The following WASHC5 variants were observed in gnomAD, a reference collection of about 807,000 sequenced individuals.
WASHC5 encodes the protein WASH complex subunit strumpellin.
Under a neutral mutation model 150.4 loss-of-function variants are expected in WASHC5, and 101 were observed. The ratio of observed to expected loss-of-function variants is 0.67; its 90% confidence interval spans 0.57 to 0.79. The LOEUF (loss-of-function observed/expected upper bound fraction) is 0.79. Ranked by LOEUF, WASHC5 falls within the 30% of genes least tolerant of loss-of-function variation. The pLI, the probability that WASHC5 is intolerant of heterozygous loss-of-function variation, is 0.00. For missense variants in WASHC5, 1,195 were observed against 1,396.3 expected, an observed-to-expected ratio of 0.86 and a Z score of 2.30; for synonymous variants, 467 against 491.2, an observed-to-expected ratio of 0.95 and a Z score of 0.65.
At chr8:125,048,574 C>T (rs2130044387) in intron 19 of WASHC5, among the ~76,000 whole-genome samples, 1 of 152,278 alleles carries the variant, frequency 6.6e-6, no homozygotes, top group South Asian at 2.1e-4. Flanking sequence ...AACTGGAACC[C>T]TCGTACACTG....
At chr8:125,075,251 A>G (rs1817018326) in intron 7 of WASHC5, 140 bp from the exon 8 acceptor site, 4 of 680,576 alleles carry the variant, frequency 5.9e-6, no homozygotes, top group South Asian at 3.1e-5. Context: ...CCAAATATAT[A>G]GGTAAGTGTT....
intron 23 of WASHC5, among the ~76,000 whole-genome samples, chr8:125,042,670 A>G (rs1815928802): frequency 6.6e-6 from 1 of 152,136 alleles, no homozygotes; most frequent in African/African-American, 2.4e-5. Context: ...CAGAGTTGGG[A>G]CTCACACCTG....
chr8:125,068,241 G>A (rs565644208), intron 9 of WASHC5, among the ~76,000 whole-genome samples: 5 of 152,342 alleles, frequency 3.3e-5, no homozygotes, highest in Admixed American at 2.6e-4. Context: ...CACAAGATCA[G>A]CTCACTAAGC....
rs534345947 is a variant in WASHC5, at chr8:125,090,242, C to A, written c.-125+1373G>T. 2.6e-5 allele frequency among the ~76,000 whole-genome samples: 4 copies of A among 152,190 alleles called. No individual in the cohort carries two copies. The East Asian group carries it at 7.7e-4, about 29-fold the overall frequency. ...TTGGCTAGAGTATTTGGTAAATAGC[C>A]CCCTCGTTGGCTGAAGGACTAGTCC... On this transcript the variant is annotated intron_variant, in intron 1 of 28. Coordinates refer to ENST00000318410, the MANE Select transcript of WASHC5 (RefSeq NM_014846.4).
intron 3 of WASHC5, 89 bp from the exon 4 acceptor site, chr8:125,082,556 G>T: frequency 1.2e-6 from 1 of 812,056 alleles, no homozygotes; most frequent in East Asian, 2.6e-5. Flanking sequence ...AGATAAGGCA[G>T]GATGCCAGGC....
intron 5 of WASHC5, among the ~76,000 whole-genome samples, chr8:125,081,236 C>CTTTT (rs35035456): frequency 1.5e-5 from 2 of 129,146 alleles, no homozygotes; most frequent in Non-Finnish European, 3.2e-5. Context: ...AAGAATCTTA[C>CTTTT]TTTTTTTTTT....
chr8:125,087,000 C>T (rs562238333), intron 1 of WASHC5, among the ~76,000 whole-genome samples: 2 of 152,164 alleles, frequency 1.3e-5, no homozygotes, highest in Non-Finnish European at 2.9e-5. Flanking sequence ...GCTTCTGCAG[C>T]CAGCAAAGCC....
At chr8:125,039,947 A>G (rs1264685177) in intron 23 of WASHC5, 49 bp from the exon 24 acceptor site, 1 of 1,211,682 alleles carries the variant, frequency 8.3e-7, no homozygotes, top group Non-Finnish European at 1.2e-6. Context: ...AGCATTTCAG[A>G]GTGACAGTGA....
Position 125,039,801 on chromosome 8 carries a change from AG to A in WASHC5, c.2947del (p.Leu983SerfsTer6). 1 of 1,609,010 alleles carries A rather than the reference AG, an allele frequency of 6.2e-7. No individual in the cohort carries two copies. On this transcript the variant is annotated frameshift_variant, in exon 24 of 29. Coordinates refer to ENST00000318410, the MANE Select transcript of WASHC5 (RefSeq NM_014846.4). LOFTEE classifies it high-confidence loss of function. ...TTCAAACCCTGGCACTTACTTATTG[AG>A]ATTCTCCAGAGCAGCTGCCAGATGT... Reference protein sequence around the residue: ...SKHLAAALENLNKALLADIEA... With the variant: ...SKHLAAALENXNKALLADIEA...
At chr8:125,052,633 C>CAT (rs1183683652) in intron 17 of WASHC5, among the ~76,000 whole-genome samples, 7 of 151,678 alleles carry the variant, frequency 4.6e-5, no homozygotes, top group African/African-American at 1.7e-4. Context: ...CACACACACA[C>CAT]ACACACATAC....
chr8:125,088,436 A>AAG (rs1817487715), intron 1 of WASHC5, among the ~76,000 whole-genome samples: 1 of 132,474 alleles, frequency 7.5e-6, no homozygotes, highest in Admixed American at 7.4e-5. Context: ...AAAAAAAAAA[A>AAG]GGGGGAGGGG....
chr8:125,049,591 A>G (rs1414803899), intron 18 of WASHC5, among the ~76,000 whole-genome samples: 1 of 151,004 alleles, frequency 6.6e-6, no homozygotes, highest in Non-Finnish European at 1.5e-5. Context: ...TCATGCCTGT[A>G]ATCTCGGCAC....
intron 24 of WASHC5, 73 bp from the exon 25 acceptor site, chr8:125,039,032 T>A: frequency 1.4e-6 from 2 of 1,475,266 alleles, no homozygotes; most frequent in South Asian, 2.3e-5. Context: ...TATAGGGCAG[T>A]GATGTAATCT....
At chr8:125,039,574 G>A (rs895399385) in intron 24 of WASHC5, among the ~76,000 whole-genome samples, 1 of 152,098 alleles carries the variant, frequency 6.6e-6, no homozygotes, top group Non-Finnish European at 1.5e-5. Flanking sequence ...CTGAATACAC[G>A]AATCCATTAG....
At chr8:125,077,464 C>T (rs924982191) in intron 6 of WASHC5, among the ~76,000 whole-genome samples, 2 of 152,218 alleles carry the variant, frequency 1.3e-5, no homozygotes, top group Non-Finnish European at 2.9e-5. Flanking sequence ...TCTGTTCCAT[C>T]ACCCATGACC....
Position 125,033,611 on chromosome 8 carries a change from C to T in WASHC5, c.3182-1217G>A, listed in dbSNP as rs140662901. ...TCACCTAGGCTGGAGGGCAGTGGCA[C>T]AATCTCGGCTCACTGCAACCTCTGC... On this transcript the variant is annotated intron_variant, in intron 26 of 28. Coordinates refer to ENST00000318410, the MANE Select transcript of WASHC5 (RefSeq NM_014846.4). Among the ~76,000 whole-genome samples the T allele has an allele frequency of 2.4e-3, 367 of 151,584 alleles. 1 individual carries two copies. Among genetic ancestry groups the T allele is most frequent in the African/African-American group, 8.2e-3 (337 of 41,272 alleles).
chr8:125,024,770 ATAAT>A (rs1013793439), intron 28 of WASHC5, 97 bp from the exon 29 acceptor site: 24 of 839,838 alleles, frequency 2.9e-5, no homozygotes, highest in Non-Finnish European at 4.0e-5. Flanking sequence ...AGCAAGGTGA[ATAAT>A]AGAAGAGGAG....
Position 125,049,064 on chromosome 8 carries a change from ACTT to A in WASHC5, c.2318_2320del (p.Glu773del), listed in dbSNP as rs926073525. 1.2e-6 allele frequency: 2 copies of A among 1,613,868 alleles called. No homozygotes were observed. The highest frequency in any genetic ancestry group is 2.7e-5 in the African/African-American group (2 of 74,910). On this transcript the variant is annotated inframe_deletion, in exon 19 of 29. Transcript: ENST00000318410. ...CACGTTGTAATTTATGATACGAGAT[ACTT>A]CTTCCTGCCAAATCTTCAGACCATA...
At chr8:125,034,027 A>G (rs1181103654) in intron 26 of WASHC5, among the ~76,000 whole-genome samples, 1 of 149,882 alleles carries the variant, frequency 6.7e-6, no homozygotes, top group Non-Finnish European at 1.5e-5. Flanking sequence ...TAATATATAC[A>G]TAACTACTAC....
Sources: allele counts gnomAD v4.1 joint callset (sites outside exome capture counted in the v4.1 genomes callset), GRCh38; gene constraint gnomAD v4.1.1; transcripts MANE v1.5; gene names NCBI Gene and HGNC (gene_info 2026-07-23, HGNC 2026-07-21).